COL4A2: variants seen among roughly 807,000 people sequenced by gnomAD.
The protein encoded by COL4A2 is collagen type IV alpha 2 chain.
Under a neutral mutation model 200.2 loss-of-function variants are expected in COL4A2, and 99 were observed. That is an observed-to-expected ratio of 0.49 (90% confidence interval 0.42 to 0.58). The LOEUF (loss-of-function observed/expected upper bound fraction) is 0.58. COL4A2 is among the 20% of genes least tolerant of loss of function. COL4A2 has a pLI of 0.00. For synonymous variants in COL4A2, 897 were observed against 900.6 expected, an observed-to-expected ratio of 1.00 and a Z score of 0.07; for missense variants, 1,950 against 2,314.1, an observed-to-expected ratio of 0.84 and a Z score of 3.23.
chr13:110,375,698 C>T (rs1047399356), intron 4 of COL4A2, among the ~76,000 whole-genome samples: 5 of 152,036 alleles, frequency 3.3e-5, no homozygotes, highest in South Asian at 4.2e-4. Context: ...AGTGTTGTGA[C>T]GCACACCTGT....
At chr13:110,311,514 C>G (rs1884982452) in intron 3 of COL4A2, among the ~76,000 whole-genome samples, 1 of 152,102 alleles carries the variant, frequency 6.6e-6, no homozygotes, top group South Asian at 2.1e-4. Context: ...TCCTCTCCCC[C>G]AAAACGGAGG....
At chr13:110,432,786 CT>C (rs1030564789) in intron 11 of COL4A2, among the ~76,000 whole-genome samples, 1 of 152,180 alleles carries the variant, frequency 6.6e-6, no homozygotes, top group African/African-American at 2.4e-5. Flanking sequence ...CTACAGGAGT[CT>C]AATGTCAGCC....
chr13:110,344,321 C>T (rs967279659), intron 3 of COL4A2, among the ~76,000 whole-genome samples: 1 of 152,124 alleles, frequency 6.6e-6, no homozygotes, highest in African/African-American at 2.4e-5. Flanking sequence ...GATGACATGA[C>T]AAATAGCCTT....
At chr13:110,392,247 T>C (rs1384058279) in intron 4 of COL4A2, among the ~76,000 whole-genome samples, 2 of 152,130 alleles carry the variant, frequency 1.3e-5, no homozygotes, top group Non-Finnish European at 2.9e-5. Flanking sequence ...AAAGAACCAA[T>C]ATGAAGAGTC....
rs142709686 is a variant in COL4A2, at chr13:110,325,163, C to T, written c.99+17040C>T. ...GCTCAGCCTTTTACCAAAGTTTAAG[C>T]CACATGTGTCCATAATAATAATCGG... On this transcript the variant is annotated intron_variant, in intron 3 of 47. Transcript: ENST00000360467. 4.6e-3 allele frequency among the ~76,000 whole-genome samples: 698 copies of T among 152,310 alleles called. 5 individuals are homozygous for T. The highest frequency in any genetic ancestry group is 7.5e-3 in the Non-Finnish European group (507 of 68,026).
At chr13:110,372,033 CTCTG>C (rs1346481732) in intron 4 of COL4A2, among the ~76,000 whole-genome samples, 3 of 152,166 alleles carry the variant, frequency 2.0e-5, no homozygotes, top group Non-Finnish European at 4.4e-5. Context: ...CTCTCTCTCT[CTCTG>C]TAAGAATGCT....
intron 20 of COL4A2, among the ~76,000 whole-genome samples, chr13:110,453,643 G>A (rs536172811): frequency 7.2e-5 from 11 of 152,296 alleles, no homozygotes; most frequent in African/African-American, 2.6e-4. Context: ...TAGTAAATCC[G>A]TGGTTTACTA....
intron 47 of COL4A2, 72 bp from the exon 48 acceptor site, chr13:110,511,862 G>A (rs1033930030): frequency 6.2e-7 from 1 of 1,606,546 alleles, no homozygotes; most frequent in South Asian, 1.1e-5. Flanking sequence ...GCACAGAAGA[G>A]GGCTATGCCC....
In COL4A2 at chr13:110,400,165, G is replaced by A. The variant is rs546734661; in HGVS notation, c.181-24569G>A. Reference sequence around the variant, plus strand: ...TTAATTCATTCATAAAGTACCTTTTGATATATAGACCCAATCTCTAATAAA... The same window carrying A: ...TTAATTCATTCATAAAGTACCTTTTAATATATAGACCCAATCTCTAATAAA... On this transcript the variant is annotated intron_variant, in intron 4 of 47. Coordinates refer to ENST00000360467, the MANE Select transcript of COL4A2 (RefSeq NM_001846.4). 3.9e-5 allele frequency among the ~76,000 whole-genome samples: 6 copies of A among 152,220 alleles called. No homozygotes were observed. In the South Asian group the frequency reaches 8.3e-4, roughly 21 times the overall value.
In COL4A2 at chr13:110,485,559, G is replaced by A. The variant is rs9521806; in HGVS notation, c.3026-96G>A. On this transcript the variant is annotated intron_variant, in intron 33 of 47. Transcript: ENST00000360467. ...AAAAAAAAAAAAAGATTCACAGCAC[G>A]TAGGACAGCAAAATGCATCCAGGCT... 328,060 of 722,074 alleles carry A rather than the reference G, an allele frequency of 0.45. 77,661 individuals are homozygous for A. Among genetic ancestry groups the A allele is most frequent in the East Asian group, 0.65 (24,715 of 37,794 alleles). The allele number at this position is 722,074 out of a possible 1,614,324, so 44.7% of individuals were successfully genotyped here.
chr13:110,357,921 G>A (rs2094700), intron 4 of COL4A2, among the ~76,000 whole-genome samples: 77,383 of 152,026 alleles, frequency 0.51, 21,153 homozygotes, highest in Admixed American at 0.62. Context: ...TGGGGAGTGC[G>A]GGGTGCGTGG....
intron 3 of COL4A2, among the ~76,000 whole-genome samples, chr13:110,329,931 T>C (rs1157688399): frequency 1.3e-5 from 2 of 152,156 alleles, no homozygotes; most frequent in Admixed American, 1.3e-4. Context: ...TGAAATACGA[T>C]ATGACGAGGC....
chr13:110,393,357 T>C (rs1339678798), intron 4 of COL4A2, among the ~76,000 whole-genome samples: 1 of 152,200 alleles, frequency 6.6e-6, no homozygotes, highest in Non-Finnish European at 1.5e-5. Flanking sequence ...GTTTGGAATT[T>C]ATAAATGGCA....
At chr13:110,355,528 T>A (rs1451065592) in intron 3 of COL4A2, among the ~76,000 whole-genome samples, 4 of 71,052 alleles carry the variant, frequency 5.6e-5, no homozygotes, top group Admixed American at 1.5e-4. Flanking sequence ...GGGGGAGGGC[T>A]GCACTAGCTC....
chr13:110,485,044 G>A lies in COL4A2; in HGVS notation c.3025+17G>A, dbSNP rs185903591. 374 of 1,564,810 alleles carry A rather than the reference G, an allele frequency of 2.4e-4. No homozygotes were observed. In the African/African-American group the frequency reaches 4.6e-3, roughly 19 times the overall value. ...GCGCAAAAGGTGAGGCTTCTGACCTGCAGCCAGGGGCCCCTAGTCCCTGCC... is the reference window on the plus strand; with the variant it reads ...GCGCAAAAGGTGAGGCTTCTGACCTACAGCCAGGGGCCCCTAGTCCCTGCC... On this transcript the variant is annotated intron_variant, in intron 33 of 47. Transcript: ENST00000360467.
rs989611081 is a variant in COL4A2, at chr13:110,466,054, T to G, written c.2030T>G (p.Ile677Ser). ...GTTGGAGGTGACAGACAGGAGGCCA[T>G]CCAGCCAGGTACTCTGGGAAGTGCA... is the stretch of plus-strand genomic sequence containing the variant. The part of the protein sequence containing the change: ...RAVGGDRQEA[I>S]QPGCIGGPKG... The change falls in exon 26 of 48, where the codon ATC becomes AGC. Residue 677 changes from isoleucine (I) to serine (S), a missense_variant. Coordinates refer to ENST00000360467, the MANE Select transcript of COL4A2 (RefSeq NM_001846.4). 3.7e-6 allele frequency: 6 copies of G among 1,613,734 alleles called. No homozygotes were observed. The highest frequency in any genetic ancestry group is 1.3e-5 in the African/African-American group (1 of 75,054).
chr13:110,426,699 G>T (rs1020856344), intron 6 of COL4A2, among the ~76,000 whole-genome samples: 6 of 152,300 alleles, frequency 3.9e-5, no homozygotes, highest in South Asian at 4.1e-4. Flanking sequence ...ACTCAGATTA[G>T]ATTGACATGC....
chr13:110,503,703 G>A (rs566550618), intron 43 of COL4A2, 144 bp from the exon 44 acceptor site: 161 of 1,002,492 alleles, frequency 1.6e-4, no homozygotes, highest in East Asian at 2.2e-4. Context: ...GCTCAGGCCC[G>A]TTAGTGTCTG....
In COL4A2 at chr13:110,512,513, C is replaced by A. The variant is rs1194644449; in HGVS notation, c.*322C>A. ...CCACTGCACTTTCCAATGCCACAGA[C>A]AACTCACATTGTTCAACTCCCTTCT... On this transcript the variant is annotated 3_prime_UTR_variant, in exon 48 of 48. Coordinates refer to ENST00000360467, the MANE Select transcript of COL4A2 (RefSeq NM_001846.4). 2 of 347,868 alleles carry A rather than the reference C, an allele frequency of 5.7e-6. No individual in the cohort carries two copies. Among genetic ancestry groups the A allele is most frequent in the East Asian group, 6.7e-5 (1 of 14,990 alleles). 21.5% of individuals were successfully genotyped at this position (347,868 alleles called of 1,614,324 possible).
Sources: allele counts gnomAD v4.1 joint callset (sites outside exome capture counted in the v4.1 genomes callset), GRCh38; gene constraint gnomAD v4.1.1; transcripts MANE v1.5; gene names NCBI Gene and HGNC (gene_info 2026-07-23, HGNC 2026-07-21).